The following EFL1 variants were observed in gnomAD, a reference collection of about 807,000 sequenced individuals.
EFL1 encodes elongation factor like GTPase 1, also known as elongation factor-like GTPase 1.
In EFL1, 76 loss-of-function variants were observed where a neutral mutation model predicts 126.7. The ratio of observed to expected loss-of-function variants is 0.60; its 90% confidence interval spans 0.50 to 0.73. EFL1 has a LOEUF of 0.73. Among genes scored for constraint, EFL1 ranks in the 30% least tolerant of loss-of-function variants. EFL1 has a pLI of 0.00. For synonymous variants in EFL1, 410 were observed against 448.4 expected, an observed-to-expected ratio of 0.91 and a Z score of 1.08; for missense variants, 1,128 against 1,343.2, an observed-to-expected ratio of 0.84 and a Z score of 2.50.
chr15:82,181,048 C>T (rs2074247133), intron 15 of EFL1, among the ~76,000 whole-genome samples: 1 of 151,676 alleles, frequency 6.6e-6, no homozygotes, highest in Admixed American at 6.6e-5. Context: ...TTTTAATTGA[C>T]CAATTATCAA....
chr15:82,141,377 T>C (rs1408884268), intron 18 of EFL1, among the ~76,000 whole-genome samples: 1 of 152,072 alleles, frequency 6.6e-6, no homozygotes, highest in Non-Finnish European at 1.5e-5. Flanking sequence ...TTCGCAGAAA[T>C]GTTTTAAGGG....
intron 15 of EFL1, among the ~76,000 whole-genome samples, chr15:82,207,305 T>TAC (rs533413907): frequency 2.0e-4 from 24 of 122,746 alleles, no homozygotes; most frequent in Admixed American, 4.7e-4. Context: ...TATATATATA[T>TAC]ATACACACAC....
intron 15 of EFL1, among the ~76,000 whole-genome samples, chr15:82,171,869 A>G (rs2074139232): frequency 6.6e-6 from 1 of 152,000 alleles, no homozygotes; most frequent in Non-Finnish European, 1.5e-5. Flanking sequence ...ATAAAAGTTA[A>G]AATTTATATA....
chr15:82,181,388 C>T (rs1260306272), intron 15 of EFL1, among the ~76,000 whole-genome samples: 2 of 152,160 alleles, frequency 1.3e-5, no homozygotes, highest in Admixed American at 1.3e-4. Context: ...AGAAAAATAT[C>T]TGTTACCTGA....
At chr15:82,214,635 C>G in intron 15 of EFL1, 82 bp downstream of exon 15, 1 of 1,435,784 alleles carries the variant, frequency 7.0e-7, no homozygotes, top group Non-Finnish European at 9.4e-7. Context: ...TTATTCCCTT[C>G]AAAAATTTCA....
intron 19 of EFL1, among the ~76,000 whole-genome samples, chr15:82,133,946 G>A (rs1335199975): frequency 6.6e-6 from 1 of 152,178 alleles, no homozygotes; most frequent in East Asian, 1.9e-4. Context: ...CAGGCACTGA[G>A]GCCAGAGTGA....
chr15:82,132,625 G>T (rs1299359069), intron 19 of EFL1, among the ~76,000 whole-genome samples: 1 of 145,190 alleles, frequency 6.9e-6, no homozygotes, highest in African/African-American at 2.6e-5. Flanking sequence ...CTCGAAGTGG[G>T]AGCCCAGTTA....
At chr15:82,221,380 G>C (rs1454469085) in intron 12 of EFL1, among the ~76,000 whole-genome samples, 1 of 152,118 alleles carries the variant, frequency 6.6e-6, no homozygotes, top group Non-Finnish European at 1.5e-5. Context: ...AATGGCCACA[G>C]ACCCTTAGGG....
chr15:82,178,136 T>A (rs551166454), intron 15 of EFL1, among the ~76,000 whole-genome samples: 1 of 152,334 alleles, frequency 6.6e-6, no homozygotes, highest in East Asian at 1.9e-4. Flanking sequence ...AGCAACAAAC[T>A]AAAGAATTCC....
At chr15:82,176,874 T>C (rs1238287730) in intron 15 of EFL1, among the ~76,000 whole-genome samples, 1 of 152,210 alleles carries the variant, frequency 6.6e-6, no homozygotes, top group Non-Finnish European at 1.5e-5. Context: ...ATTACTTAAA[T>C]ATCCACCAAC....
chr15:82,261,470 A>C (rs895644440), intron 2 of EFL1, among the ~76,000 whole-genome samples: 7 of 152,248 alleles, frequency 4.6e-5, no homozygotes, highest in African/African-American at 7.2e-5. Context: ...ACAACATGAC[A>C]TAATATATAG....
At chr15:82,201,468 AG>A (rs2074467072) in intron 15 of EFL1, among the ~76,000 whole-genome samples, 1 of 152,232 alleles carries the variant, frequency 6.6e-6, no homozygotes, top group Non-Finnish European at 1.5e-5. Context: ...ATTGTGTTCC[AG>A]GGAAGAATCT....
intron 2 of EFL1, among the ~76,000 whole-genome samples, 153 bp from the exon 3 acceptor site, chr15:82,259,308 T>C (rs1438925753): frequency 1.3e-5 from 2 of 152,230 alleles, no homozygotes; most frequent in Non-Finnish European, 2.9e-5. Flanking sequence ...ATTAGACTTT[T>C]GAACAGAATA....
intron 15 of EFL1, among the ~76,000 whole-genome samples, chr15:82,179,574 G>A (rs1439025539): frequency 2.6e-5 from 4 of 152,000 alleles, no homozygotes; most frequent in African/African-American, 9.7e-5. Flanking sequence ...TTTTTCCTCT[G>A]TACCATGTTT....
At chr15:82,199,167 T>C (rs185708916) in intron 15 of EFL1, among the ~76,000 whole-genome samples, 60 of 152,092 alleles carry the variant, frequency 3.9e-4, no homozygotes, top group Admixed American at 2.9e-3. Flanking sequence ...CAAAAACAGA[T>C]AAAATTAGGG....
At chr15:82,138,430 ATGTGTGTGTGTG>A (rs10675439) in intron 19 of EFL1, among the ~76,000 whole-genome samples, 1 of 146,014 alleles carries the variant, frequency 6.8e-6, no homozygotes, top group African/African-American at 2.5e-5. Flanking sequence ...GAGAGAGTGT[ATGTGTGTGTGTG>A]TGTGTGTGTG....
chr15:82,223,748 T>C (rs1426605566), intron 12 of EFL1, among the ~76,000 whole-genome samples: 1 of 152,220 alleles, frequency 6.6e-6, no homozygotes, highest in Non-Finnish European at 1.5e-5. Flanking sequence ...AGCACTGAAA[T>C]ATTATCTGGG....
At chr15:82,147,064 G>A (rs1278376480) in intron 18 of EFL1, among the ~76,000 whole-genome samples, 3 of 152,044 alleles carry the variant, frequency 2.0e-5, no homozygotes, top group African/African-American at 4.8e-5. Context: ...ATGAGAAAAT[G>A]AACACAGAGG....
rs141486355 is a variant in EFL1 at position 82,247,594 on chromosome 15, G to A, written c.244+5097C>T. On this transcript the variant is annotated intron_variant, in intron 4 of 19. Transcript: ENST00000268206. ...ATCCCATATGCTAACCCAGAGATAC[G>A]TGGAACATGAATGAATGAGTAGCAT... Among the ~76,000 whole-genome samples, 368 of 152,210 alleles carry A rather than the reference G, an allele frequency of 2.4e-3. 4 individuals are homozygous for A. Among genetic ancestry groups the A allele is most frequent in the African/African-American group, 8.4e-3 (350 of 41,482 alleles).
Sources: gnomAD v4.1 joint callset for allele counts (sites outside exome capture counted in the v4.1 genomes callset) on GRCh38, gnomAD v4.1.1 for gene constraint, MANE v1.5 for transcripts, NCBI Gene and HGNC (gene_info 2026-07-23, HGNC 2026-07-21) for gene names.